SCN3B: variants seen among roughly 807,000 people sequenced by gnomAD.
The protein encoded by SCN3B is sodium channel regulatory subunit beta-3.
In SCN3B, 11 loss-of-function variants were observed where a neutral mutation model predicts 25.4. The ratio of observed to expected loss-of-function variants is 0.43; its 90% CI spans 0.27 to 0.72. SCN3B has a LOEUF of 0.72. Among genes scored for constraint, SCN3B ranks in the 30% least tolerant of loss-of-function variants. The pLI, the probability that SCN3B is intolerant of heterozygous loss-of-function variation, is 0.18. For synonymous variants in SCN3B, 109 were observed against 110.7 expected, an observed-to-expected ratio of 0.99 and a Z score of 0.09; for missense variants, 218 against 278.3, an observed-to-expected ratio of 0.78 and a Z score of 1.54.
At chr11:123,646,418 A>T (rs564273934) in intron 2 of SCN3B, among the ~76,000 whole-genome samples, 5 of 152,310 alleles carry the variant, frequency 3.3e-5, no homozygotes, top group African/African-American at 1.2e-4. Flanking sequence ...TTCCAGTGTG[A>T]GGTATCCAAT....
chr11:123,638,209 G>A lies in SCN3B; in HGVS notation c.561C>T (p.Ala187=), dbSNP rs746888620. 57 of 1,613,846 alleles carry A rather than the reference G, an allele frequency of 3.5e-5. No individual in the cohort carries two copies. Among genetic ancestry groups the A allele is most frequent in the Non-Finnish European group, 4.7e-5 (55 of 1,180,010 alleles). The change falls in exon 5 of 7, where the codon GCC becomes GCT. Residue 187 remains alanine, a synonymous_variant. Transcript: ENST00000299333. ...MIYCYRKVSK[A]EEAAQENASD... ...ACGCGTTTTCTTGGGCTGCCTCTTC[G>A]GCTTTTGAGACCTTTCTGTAGCAAT...
At chr11:123,638,129 G>GA in intron 5 of SCN3B, 57 bp downstream of exon 5, 1 of 1,601,350 alleles carries the variant, frequency 6.2e-7, no homozygotes, top group Non-Finnish European at 8.5e-7. Context: ...TCACCTGTGA[G>GA]AGCAAGCATT....
At chr11:123,649,517 T>C (rs543398709) in intron 2 of SCN3B, among the ~76,000 whole-genome samples, 2 of 152,384 alleles carry the variant, frequency 1.3e-5, no homozygotes, top group South Asian at 2.1e-4. Context: ...TTTTGCAGTA[T>C]GACTTGCTGC....
rs1223220259 is a variant in SCN3B at position 123,654,207 on chromosome 11, A to G, written c.-26+19T>C. The G allele has an allele frequency of 3.0e-6, 1 of 332,978 alleles. No individual in the cohort carries two copies. The highest frequency in any genetic ancestry group is 4.1e-5 in the Admixed American group (1 of 24,478). The allele number at this position is 332,978 out of a possible 1,614,324, so 20.6% of individuals were successfully genotyped here. A position where few individuals can be genotyped will look rare whatever the true frequency, so the allele number is the denominator to read the frequency against. ...GCTGGCCTAGCAGCCAGGCTGTGGA[A>G]GGGTCCAGGTTGATTCACCTCTCGC... On this transcript the variant is annotated intron_variant, in intron 1 of 6. Transcript: ENST00000299333.
In SCN3B at chr11:123,629,606, A is replaced by G. The variant is rs1955643871; in HGVS notation, c.*4193T>C. The G allele has an allele frequency of 6.6e-6, 1 of 152,248 alleles. No individual in the cohort carries two copies. The highest frequency in any genetic ancestry group is 1.5e-5 in the Non-Finnish European group (1 of 68,082). The allele number at this position is 152,248 out of a possible 1,614,324, so 9.4% of individuals were successfully genotyped here. On this transcript the variant is annotated 3_prime_UTR_variant, in exon 7 of 7. Coordinates refer to ENST00000299333, the MANE Select transcript of SCN3B (RefSeq NM_001040151.2). ...ATTTTAGAGATTAAGTAAGGTTTGG[A>G]TGATGCTGCTTTTCAGACCTGTGAC... is the stretch of plus-strand genomic sequence containing the variant.
Position 123,654,392 on chromosome 11 carries a change from C to T in SCN3B, c.-192G>A. On this transcript the variant is annotated 5_prime_UTR_variant, in exon 1 of 7. The change creates a new upstream start codon in the 5' untranslated region. Transcript: ENST00000299333. Reference sequence around the variant, plus strand: ...ATGCGTTCCACGTCGGTCCCGTCCACGCCCGCCCTCGGCTCCCTGGGGAGG... The same window carrying T: ...ATGCGTTCCACGTCGGTCCCGTCCATGCCCGCCCTCGGCTCCCTGGGGAGG... The T allele has an allele frequency of 6.4e-6, 1 of 157,130 alleles. No individual in the cohort carries two copies. The highest frequency in any genetic ancestry group is 1.4e-5 in the Non-Finnish European group (1 of 70,720). The allele number at this position is 157,130 out of a possible 1,614,324, so 9.7% of individuals were successfully genotyped here. A position where few individuals can be genotyped will look rare whatever the true frequency, so the allele number is the denominator to read the frequency against.
rs117288122 is a variant in SCN3B at position 123,645,914 on chromosome 11, G to A, written c.56-164C>T. Among the ~76,000 whole-genome samples, 467 of 152,244 alleles carry A rather than the reference G, an allele frequency of 3.1e-3. 3 individuals carry two copies. The highest frequency in any genetic ancestry group is 0.03 in the South Asian group (144 of 4,824). On this transcript the variant is annotated intron_variant, in intron 2 of 6. Coordinates refer to ENST00000299333, the MANE Select transcript of SCN3B (RefSeq NM_001040151.2). ...TGCACATGTCTACACCTTCACCTGC[G>A]CTCCCTGAATGTACAGGCTCAGAAC...
Position 123,631,405 on chromosome 11 carries a change from A to ATAAAGT in SCN3B, c.*2388_*2393dup, listed in dbSNP as rs1955671001. ...CACACTGAGGCCAATTTTTCTAACT[A>ATAAAGT]TAAAGTTAAAAAGGTCTATATCCTC... On this transcript the variant is annotated 3_prime_UTR_variant, in exon 7 of 7. Transcript: ENST00000299333. 6.6e-6 allele frequency: 1 copy of ATAAAGT among 152,204 alleles called. No homozygotes were observed. Among genetic ancestry groups the ATAAAGT allele is most frequent in the Admixed American group, 6.5e-5 (1 of 15,284 alleles). The allele number at this position is 152,204 out of a possible 1,614,324, so 9.4% of individuals were successfully genotyped here.
chr11:123,638,647 T>A, intron 4 of SCN3B: 1 of 380,632 alleles, frequency 2.6e-6, no homozygotes, highest in Non-Finnish European at 5.0e-6. Context: ...TTCCCTTACT[T>A]GAGACTCAGT....
chr11:123,648,833 C>T (rs1343642981), intron 2 of SCN3B, among the ~76,000 whole-genome samples: 1 of 152,090 alleles, frequency 6.6e-6, no homozygotes, highest in Non-Finnish European at 1.5e-5. Context: ...CAGCAAACAA[C>T]GTGAGAATAG....
chr11:123,653,590 C>T (rs970269913), intron 2 of SCN3B, among the ~76,000 whole-genome samples, 157 bp downstream of exon 2: 9 of 152,098 alleles, frequency 5.9e-5, no homozygotes, highest in African/African-American at 1.9e-4. Flanking sequence ...CTCAAAATCC[C>T]AGCTCTCATG....
At chr11:123,649,582 CACT>C (rs1955896167) in intron 2 of SCN3B, among the ~76,000 whole-genome samples, 1 of 152,082 alleles carries the variant, frequency 6.6e-6, no homozygotes, top group Non-Finnish European at 1.5e-5. Context: ...TTCAGCACAC[CACT>C]GTCTTTCTTT....
intron 4 of SCN3B, chr11:123,638,738 T>C (rs1212746922): frequency 1.0e-5 from 3 of 290,366 alleles, no homozygotes; most frequent in Non-Finnish European, 2.0e-5. Context: ...TCAGAACATC[T>C]TGTGAGATTA....
rs1439753281 is a variant in SCN3B, at chr11:123,642,729, A to T, written c.220-58T>A. 15 of 1,337,876 alleles carry T rather than the reference A, an allele frequency of 1.1e-5. No homozygotes were observed. The highest frequency in any genetic ancestry group is 1.4e-5 in the Non-Finnish European group (13 of 937,470). The allele number at this position is 1,337,876 out of a possible 1,614,324, so 82.9% of individuals were successfully genotyped here. On this transcript the variant is annotated intron_variant, in intron 3 of 6. Coordinates refer to ENST00000299333, the MANE Select transcript of SCN3B (RefSeq NM_001040151.2). This position sits in a 1 kb window ranked among gnomAD's most constrained non-coding sequence, Gnocchi z 4.3. ...AGGAAAGGAGATGGCAGTGGGGGGA[A>T]GCCGAGTTAGGGACAGGGCAGAGAA...
intron 3 of SCN3B, among the ~76,000 whole-genome samples, chr11:123,645,068 G>A (rs898161276): frequency 1.3e-5 from 2 of 151,834 alleles, no homozygotes; most frequent in African/African-American, 4.8e-5. Flanking sequence ...ATCCACGAGA[G>A]AACTGTTTGA....
Position 123,645,628 on chromosome 11 carries a change from C to T in SCN3B, c.178G>A (p.Val60Met). 1 of 1,614,208 alleles carries T rather than the reference C, an allele frequency of 6.2e-7. No homozygotes were observed. The highest frequency in any genetic ancestry group is 8.5e-7 in the Non-Finnish European group (1 of 1,180,042). Reference sequence around the variant, plus strand: ...CCCTCGGGCCTGTAGAACCATTCCACCACCGTGGTGGCCTCCACCTCCTCT... The same window carrying T: ...CCCTCGGGCCTGTAGAACCATTCCATCACCGTGGTGGCCTCCACCTCCTCT... ...KREEVEATTV[V>M]EWFYRPEGGK... Residue 60 changes from valine to methionine, a missense_variant, in exon 3 of 7, where the codon GTG (valine) becomes ATG (methionine). Physicochemically the swap from Val to Met is conservative, Grantham distance 21. Coordinates refer to ENST00000299333, the MANE Select transcript of SCN3B (RefSeq NM_001040151.2).
At position 123,638,187 on chromosome 11, in the gene SCN3B, C is replaced by T. The variant is rs375755770; in HGVS notation, c.583G>A (p.Ala195Thr). ...TTACTTTGGCATCTCTGGACTTACG[C>T]GTTTTCTTGGGCTGCCTCTTCGGCT... ...SKAEEAAQEN[A>T]SDYLAIPSEN... Residue 195 changes from alanine (A) to threonine (T), a missense_variant and splice_region_variant, in exon 5 of 7, where the codon GCG becomes ACG. Ala to Thr is a moderately conservative substitution (Grantham distance 58). Coordinates refer to ENST00000299333, the MANE Select transcript of SCN3B (RefSeq NM_001040151.2). 530 of 1,613,936 alleles carry T rather than the reference C, an allele frequency of 3.3e-4. No homozygotes were observed. Among genetic ancestry groups the T allele is most frequent in the Non-Finnish European group, 4.4e-4 (515 of 1,180,026 alleles).
chr11:123,645,475 G>T, intron 3 of SCN3B, 112 bp downstream of exon 3: 1 of 1,097,034 alleles, frequency 9.1e-7, no homozygotes, highest in Non-Finnish European at 1.4e-6. Context: ...GTCAGTGTTT[G>T]GAAGAGAAGG....
intron 4 of SCN3B, chr11:123,640,013 T>C (rs1246630927): frequency 1.3e-5 from 2 of 152,176 alleles, no homozygotes; most frequent in Non-Finnish European, 2.9e-5. Context: ...CAGTTATCCA[T>C]TGGATCTAAG....
Sources: gnomAD v4.1 joint callset for allele counts (sites outside exome capture counted in the v4.1 genomes callset) on GRCh38, gnomAD v4.1.1 for gene constraint, Gnocchi (gnomAD v3.1) non-coding constraint, MANE v1.5 for transcripts, NCBI Gene and HGNC (gene_info 2026-07-23, HGNC 2026-07-21) for gene names.